The following MYO16 variants were observed in gnomAD, a reference collection of about 807,000 sequenced individuals.
The protein encoded by MYO16 is unconventional myosin-XVI.
In MYO16, 94 loss-of-function variants were observed where a neutral mutation model predicts 205.3. The ratio of observed to expected loss-of-function variants is 0.46; its 90% confidence interval spans 0.39 to 0.54. The LOEUF (loss-of-function observed/expected upper bound fraction) is 0.54. Among genes scored for constraint, MYO16 ranks in the 20% least tolerant of loss-of-function variants. The pLI is 0.00. For synonymous variants in MYO16, 988 were observed against 954.0 expected (o/e 1.04, Z -0.66); for missense variants, 2,315 against 2,387.5 (o/e 0.97, Z 0.63).
intron 1 of MYO16, chr13:108,659,234 T>C (rs1881384752): frequency 6.3e-6 from 1 of 159,496 alleles, no homozygotes; most frequent in African/African-American, 2.5e-5. Flanking sequence ...ATGATATATA[T>C]ATGCTATATA....
chr13:108,941,292 G>T (rs1009950581), intron 16 of MYO16, among the ~76,000 whole-genome samples: 2 of 152,156 alleles, frequency 1.3e-5, no homozygotes, highest in Non-Finnish European at 2.9e-5. Flanking sequence ...TCAGGAGACA[G>T]ATCGAGGGGA....
chr13:108,720,406 C>T (rs71435289), intron 3 of MYO16, among the ~76,000 whole-genome samples: 5,718 of 152,008 alleles, frequency 0.038, 167 homozygotes, highest in Non-Finnish European at 0.057. Context: ...CTATTTTGTC[C>T]GCTACTTTTC....
intron 20 of MYO16, among the ~76,000 whole-genome samples, chr13:108,986,942 TG>T (rs1464675874): frequency 6.6e-6 from 1 of 152,140 alleles, no homozygotes; most frequent in African/African-American, 2.4e-5. Flanking sequence ...CATCTGTGTT[TG>T]GGGGCAGCTT....
intron 4 of MYO16, among the ~76,000 whole-genome samples, chr13:108,773,751 T>C (rs1394209588): frequency 6.6e-6 from 1 of 152,186 alleles, no homozygotes; most frequent in Non-Finnish European, 1.5e-5. Context: ...TAGGGGTTCT[T>C]TGCATTACTC....
At chr13:108,608,629 C>T (rs948412078) in intron 1 of MYO16, among the ~76,000 whole-genome samples, 1 of 142,462 alleles carries the variant, frequency 7.0e-6, no homozygotes, top group Non-Finnish European at 1.5e-5. Context: ...AAACAAATAT[C>T]TGAACCCACT....
At chr13:108,927,357 T>G (rs1882056170) in intron 16 of MYO16, among the ~76,000 whole-genome samples, 1 of 152,060 alleles carries the variant, frequency 6.6e-6, no homozygotes, top group Admixed American at 6.6e-5. Flanking sequence ...CCTTGGCGAG[T>G]GTCATACCTC....
In MYO16 at chr13:108,730,921, C is replaced by T. The variant is rs151235076; in HGVS notation, c.507+3338C>T. ...TGCCCGCATTTACTATTAAGATTAC[C>T]AGTACATTATCTGTGTTCCTTGATA... On this transcript the variant is annotated intron_variant, in intron 4 of 34. Coordinates refer to ENST00000457511, the MANE Select transcript of MYO16 (RefSeq NM_001198950.3). 6.3e-3 allele frequency among the ~76,000 whole-genome samples: 964 copies of T among 152,238 alleles called. 6 individuals carry two copies. Among genetic ancestry groups the T allele is most frequent in the Non-Finnish European group, 9.2e-3 (629 of 68,004 alleles).
chr13:108,783,179 G>A (rs1273501159), intron 4 of MYO16, among the ~76,000 whole-genome samples: 3 of 152,182 alleles, frequency 2.0e-5, no homozygotes, highest in African/African-American at 2.4e-5. Context: ...ACCCTGCAAA[G>A]CCACAGGGTG....
chr13:108,734,268 A>G (rs1488068059), intron 4 of MYO16, among the ~76,000 whole-genome samples: 1 of 152,140 alleles, frequency 6.6e-6, no homozygotes, highest in Non-Finnish European at 1.5e-5. Flanking sequence ...AGCATACTAA[A>G]TAAAGACAAA....
intron 11 of MYO16, among the ~76,000 whole-genome samples, chr13:108,857,058 C>T (rs976076353): frequency 6.6e-6 from 1 of 152,154 alleles, no homozygotes; most frequent in Non-Finnish European, 1.5e-5. Context: ...CTGATTATCG[C>T]CTGCCTTCCT....
At chr13:108,914,940 A>G (rs1484986199) in intron 16 of MYO16, among the ~76,000 whole-genome samples, 2 of 152,138 alleles carry the variant, frequency 1.3e-5, no homozygotes, top group African/African-American at 4.8e-5. Flanking sequence ...ACTGCGCCCG[A>G]CCTGTAATTT....
chr13:108,696,739 C>T (rs1182480970), intron 2 of MYO16, among the ~76,000 whole-genome samples: 3 of 152,098 alleles, frequency 2.0e-5, no homozygotes, highest in Non-Finnish European at 4.4e-5. Context: ...ATAAATTACA[C>T]TGTACCCCAA....
intron 31 of MYO16, among the ~76,000 whole-genome samples, chr13:109,131,218 A>G (rs1876516033): frequency 3.9e-5 from 6 of 152,338 alleles, no homozygotes; most frequent in Admixed American, 2.6e-4. Flanking sequence ...CTTTTCCTTT[A>G]CAAATAAAGC....
At chr13:109,157,483 C>T (rs747064138) in intron 32 of MYO16, among the ~76,000 whole-genome samples, 2 of 152,062 alleles carry the variant, frequency 1.3e-5, no homozygotes, top group Non-Finnish European at 2.9e-5. Flanking sequence ...ACTCAAAATC[C>T]ACTGCTTCTT....
Position 109,140,674 on chromosome 13 carries a change from G to T in MYO16, c.4462G>T (p.Asp1488Tyr). 1.3e-6 allele frequency: 2 copies of T among 1,487,028 alleles called. No individual in the cohort carries two copies. Among genetic ancestry groups the T allele is most frequent in the Non-Finnish European group, 1.8e-6 (2 of 1,122,472 alleles). The allele number at this position is 1,487,028 out of a possible 1,614,324, so 92.1% of individuals were successfully genotyped here. ...SPPLLHRAPE[D>Y]EAAGPPGDAC... ...GCCCCTGCTCCACCGCGCGCCGGAG[G>T]ACGAGGCGGCGGGGCCCCCAGGGGA... Residue 1488 changes from aspartate (D) to tyrosine (Y), a missense_variant, in exon 32 of 35, where the codon GAC (aspartate) becomes TAC (tyrosine). By Grantham distance (160) the Asp-to-Tyr change is radical. This residue lies in a region of MYO16 where 1,097 missense variants were observed against 1,092.0 expected (regional missense o/e 1.00). Coordinates refer to ENST00000457511, the MANE Select transcript of MYO16 (RefSeq NM_001198950.3). The surrounding 1 kb of genome is among the most constrained non-coding windows in gnomAD (Gnocchi z 8.0).
the MYO16 span, among the ~76,000 whole-genome samples, chr13:108,503,447 T>A: frequency 6.6e-6 from 1 of 150,436 alleles, no homozygotes; most frequent in Non-Finnish European, 1.5e-5. Context: ...TCAAAAAAGT[T>A]TTTTTTTTTT....
intron 20 of MYO16, among the ~76,000 whole-genome samples, chr13:108,970,871 C>A (rs563241295): frequency 1.3e-5 from 2 of 152,168 alleles, no homozygotes; most frequent in South Asian, 2.1e-4. Flanking sequence ...GACAAGAATT[C>A]TTGGGGTTGA....
intron 1 of MYO16, among the ~76,000 whole-genome samples, chr13:108,600,032 T>C (rs1429698064): frequency 6.6e-6 from 1 of 152,182 alleles, no homozygotes; most frequent in African/African-American, 2.4e-5. Context: ...CCAGGACTTA[T>C]TTGTACAAAC....
At chr13:108,576,737 C>A in the MYO16 span, among the ~76,000 whole-genome samples, 1 of 151,996 alleles carries the variant, frequency 6.6e-6, no homozygotes, top group Non-Finnish European at 1.5e-5. Context: ...TCCCAGTGAA[C>A]TTTGCAGTGT....
Sources: allele counts gnomAD v4.1 joint callset (sites outside exome capture counted in the v4.1 genomes callset), GRCh38; gene constraint gnomAD v4.1.1; regional missense constraint gnomAD v4.1.1; non-coding constraint Gnocchi (gnomAD v3.1); transcripts MANE v1.5; gene names NCBI Gene and HGNC (gene_info 2026-07-23, HGNC 2026-07-21).